LRRK1: variants seen among roughly 807,000 people sequenced by gnomAD.
The protein encoded by LRRK1 is leucine-rich repeat serine/threonine-protein kinase 1.
In LRRK1, 113 loss-of-function variants were observed where a neutral mutation model predicts 209.1. That is an observed-to-expected ratio of 0.54 (90% CI 0.46 to 0.63). The LOEUF (loss-of-function observed/expected upper bound fraction) is 0.63. Among genes scored for constraint, LRRK1 ranks in the 30% least tolerant of loss-of-function variants. The pLI is 0.00. For missense variants in LRRK1, 2,284 were observed against 2,632.2 expected (o/e 0.87, Z 2.89); for synonymous variants, 1,144 against 1,099.7 (o/e 1.04, Z -0.80).
At chr15:101,060,079 T>G (rs1303198178) in intron 29 of LRRK1, among the ~76,000 whole-genome samples, 2 of 152,186 alleles carry the variant, frequency 1.3e-5, no homozygotes, top group East Asian at 3.8e-4. Flanking sequence ...GTGAAGGTTC[T>G]TTAAAACTCA....
In LRRK1 at chr15:101,014,372, G is replaced by C; in HGVS notation, c.1476G>C (p.Glu492Asp). 1.2e-6 allele frequency: 2 copies of C among 1,614,072 alleles called. No homozygotes were observed. The highest frequency in any genetic ancestry group is 1.7e-6 in the Non-Finnish European group (2 of 1,179,992). ...AGCTGGCGGCACTTCCACCTCAAGA[G>C]AAGTGGACCTGCAGGCAGCTCAAAA... ...GNQLAALPPQ[E>D]KWTCRQLKTL... The change falls in exon 11 of 34, where the codon GAG (glutamate) becomes GAC (aspartate). Residue 492 changes from glutamate to aspartate, a missense_variant. Physicochemically the swap from Glu to Asp is conservative, Grantham distance 45 (BLOSUM62 2). This residue lies in a region of LRRK1 where 494 missense variants were observed against 522.1 expected (regional missense o/e 0.95). Transcript: ENST00000388948.
rs570460040 is a variant in LRRK1, at chr15:101,071,954, T to C, written c.*3106T>C. ...CACATGCAAAGACCCTGTTGTGGGT[T>C]CAAGCCACTGTGTGGGAGGGACAGG... On this transcript the variant is annotated 3_prime_UTR_variant, in exon 34 of 34. Transcript: ENST00000388948. 1 of 152,326 alleles carries C rather than the reference T, an allele frequency of 6.6e-6. No homozygotes were observed. The highest frequency in any genetic ancestry group is 2.1e-4 in the South Asian group (1 of 4,826). 9.4% of individuals were successfully genotyped at this position (152,326 alleles called of 1,614,324 possible).
intron 2 of LRRK1, among the ~76,000 whole-genome samples, chr15:100,968,809 C>CCCCTTCCCCTTCCCCTT (rs2030665841): frequency 2.1e-5 from 3 of 144,072 alleles, no homozygotes; most frequent in African/African-American, 7.7e-5. Context: ...CCTTCCCCTT[C>CCCCTTCCCCTTCCCCTT]CCCTTCCCTT....
At chr15:100,999,024 T>A (rs1342105955) in intron 6 of LRRK1, among the ~76,000 whole-genome samples, 1 of 152,250 alleles carries the variant, frequency 6.6e-6, no homozygotes, top group South Asian at 2.1e-4. Flanking sequence ...TTTTAATCTC[T>A]TATACAGCCT....
chr15:101,011,982 AT>A (rs374909931), intron 9 of LRRK1, 25 bp from the exon 10 acceptor site: 278 of 1,515,342 alleles, frequency 1.8e-4, no homozygotes, highest in Admixed American at 4.4e-4. Context: ...ACTAATATAC[AT>A]TTTTTTTTCT....
intron 6 of LRRK1, among the ~76,000 whole-genome samples, chr15:101,006,372 TAAAAAAAAAA>T (rs56053663): frequency 1.7e-5 from 2 of 114,452 alleles, no homozygotes; most frequent in African/African-American, 3.3e-5. Context: ...GACAATGTGA[TAAAAAAAAAA>T]AAAAAAAAAA....
chr15:100,955,007 C>G (rs1451582742), intron 2 of LRRK1, among the ~76,000 whole-genome samples: 1 of 62,782 alleles, frequency 1.6e-5, no homozygotes, highest in Admixed American at 2.2e-4. Flanking sequence ...TGGTTCCATA[C>G]AAATTTTAGG....
rs966976770 is a variant in LRRK1, at chr15:101,049,505, G to A, written c.3300-139G>A. On this transcript the variant is annotated intron_variant, in intron 22 of 33. Coordinates refer to ENST00000388948, the MANE Select transcript of LRRK1 (RefSeq NM_024652.6). ...GCCACGCACACGTACATACAGGGAG[G>A]AGTCCCCCATCGGTCCTGCAGGGCA... 3 of 910,052 alleles carry A rather than the reference G, an allele frequency of 3.3e-6. No homozygotes were observed. In the African/African-American group the frequency reaches 5.0e-5, roughly 15 times the overall value. 56.4% of individuals were successfully genotyped at this position (910,052 alleles called of 1,614,324 possible).
rs1202318761 is a variant in LRRK1, at chr15:101,074,892, A to G, written c.*6044A>G. On this transcript the variant is annotated 3_prime_UTR_variant, in exon 34 of 34. Transcript: ENST00000388948. ...CTAAGCCGTGTCCCATCTGTGCGGGACCCCACTGGAAATCGGACTGTCCAA... is the reference window on the plus strand; with the variant it reads ...CTAAGCCGTGTCCCATCTGTGCGGGGCCCCACTGGAAATCGGACTGTCCAA... 6.6e-6 allele frequency: 1 copy of G among 150,784 alleles called. No homozygotes were observed. The highest frequency in any genetic ancestry group is 1.5e-5 in the Non-Finnish European group (1 of 67,720). The allele number at this position is 150,784 out of a possible 1,614,324, so 9.3% of individuals were successfully genotyped here.
At chr15:101,021,810 GTGTA>G in intron 13 of LRRK1, 31 bp from the exon 14 acceptor site, 1 of 1,056,114 alleles carries the variant, frequency 9.5e-7, no homozygotes, top group Non-Finnish European at 1.4e-6. Flanking sequence ...GTGTGTGTGT[GTGTA>G]TTCTCTCGTG....
At chr15:101,057,233 G>A (rs944433005) in intron 28 of LRRK1, among the ~76,000 whole-genome samples, 183 bp downstream of exon 28, 2 of 152,200 alleles carry the variant, frequency 1.3e-5, no homozygotes, top group Admixed American at 6.5e-5. Context: ...TTGTGTGTGC[G>A]TGTCACTCTT....
intron 2 of LRRK1, among the ~76,000 whole-genome samples, chr15:100,941,472 G>GTCTT (rs1567191284): frequency 1.2e-4 from 17 of 145,888 alleles, no homozygotes; most frequent in South Asian, 2.2e-4. Flanking sequence ...CTCTGTGTGT[G>GTCTT]TGTGTGTGTG....
Position 101,066,755 on chromosome 15 carries a change from G to A in LRRK1, c.5870+14G>A, listed in dbSNP as rs1343560032. On this transcript the variant is annotated intron_variant, in intron 33 of 33. Coordinates refer to ENST00000388948, the MANE Select transcript of LRRK1 (RefSeq NM_024652.6). ...GACTCCGCATGGGTAAGACTGAGTG[G>A]CAGCTCCTTTAGGACCCAGGCAGCA... The A allele has an allele frequency of 1.2e-6, 2 of 1,606,068 alleles. No individual in the cohort carries two copies. Among genetic ancestry groups the A allele is most frequent in the East Asian group, 2.2e-5 (1 of 44,854 alleles).
rs182963183 is a variant in LRRK1 at position 101,059,059 on chromosome 15, T to C, written c.4679+918T>C. On this transcript the variant is annotated intron_variant, in intron 29 of 33. Coordinates refer to ENST00000388948, the MANE Select transcript of LRRK1 (RefSeq NM_024652.6). ...GGTTTTATGCCACTCGGACTGAGGG[T>C]TGTGACACAGACGTACTCTAAGAAA... Among the ~76,000 whole-genome samples, 46 of 152,212 alleles carry C rather than the reference T, an allele frequency of 3.0e-4. 2 individuals carry two copies. The East Asian group carries it at 7.7e-3, about 26-fold the overall frequency.
intron 4 of LRRK1, among the ~76,000 whole-genome samples, chr15:100,988,222 G>A (rs182920505): frequency 1.3e-5 from 2 of 152,092 alleles, no homozygotes; most frequent in African/African-American, 4.8e-5. Context: ...GCCGGGGTTC[G>A]GTATGCAGAT....
In LRRK1 at chr15:101,021,080, T is replaced by G; in HGVS notation, c.1637T>G (p.Leu546Arg). 6.2e-7 allele frequency: 1 copy of G among 1,614,204 alleles called. No homozygotes were observed. Among genetic ancestry groups the G allele is most frequent in the Non-Finnish European group, 8.5e-7 (1 of 1,180,006 alleles). Residue 546 changes from leucine to arginine, a missense_variant, in exon 13 of 34, where the codon CTA becomes CGA. Leu to Arg is a moderately radical substitution (Grantham distance 102). This residue lies in a region of LRRK1 where 494 missense variants were observed against 522.1 expected (regional missense o/e 0.95). Transcript: ENST00000388948. ...AGTGTGCTGGAATTTCCGGCCTTCC[T>G]AAGTGAGTCTTTGGAAGTCCTTTGC... ...AASVLEFPAF[L>R]SESLEVLCLN...
chr15:100,978,270 C>A (rs1205448137), intron 3 of LRRK1, among the ~76,000 whole-genome samples: 1 of 152,080 alleles, frequency 6.6e-6, no homozygotes, highest in Non-Finnish European at 1.5e-5. Context: ...AACAGAAGAT[C>A]CAACAGTCAT....
chr15:101,026,031 C>G lies in LRRK1; in HGVS notation c.2299C>G (p.Arg767Gly). ...THLDLIEAKF[R>G]VERIATLRAY... is the part of the protein sequence containing the mutation. ...CCTGGATTTAATTGAAGCCAAGTTC[C>G]GTGTGGAAAGGATTGCAACGCTGCG... The change falls in exon 17 of 34, where the codon CGT becomes GGT. Residue 767 changes from arginine (R) to glycine (G), a missense_variant. Physicochemically the swap from Arg to Gly is moderately radical, Grantham distance 125. This residue lies in a region of LRRK1 where 780 missense variants were observed against 985.2 expected (regional missense o/e 0.79). Coordinates refer to ENST00000388948, the MANE Select transcript of LRRK1 (RefSeq NM_024652.6). 6.2e-7 allele frequency: 1 copy of G among 1,614,260 alleles called. No homozygotes were observed. Among genetic ancestry groups the G allele is most frequent in the Non-Finnish European group, 8.5e-7 (1 of 1,180,046 alleles).
At chr15:101,035,456 A>C (rs2034460268) in intron 20 of LRRK1, among the ~76,000 whole-genome samples, 1 of 152,172 alleles carries the variant, frequency 6.6e-6, no homozygotes, top group East Asian at 1.9e-4. Context: ...GTCTGATACA[A>C]GTATAGCGAT....
Sources: allele counts gnomAD v4.1 joint callset (sites outside exome capture counted in the v4.1 genomes callset), GRCh38; gene constraint gnomAD v4.1.1; regional missense constraint gnomAD v4.1.1; transcripts MANE v1.5; gene names NCBI Gene and HGNC (gene_info 2026-07-23, HGNC 2026-07-21).